The following LRIG2 variants were observed in gnomAD, a reference collection of about 807,000 sequenced individuals.
The protein encoded by LRIG2 is leucine rich repeats and immunoglobulin like domains 2.
LRIG2 carries 93 observed loss-of-function variants against 107.8 expected under a neutral mutation model. The observed-to-expected ratio is 0.86, with a 90% CI of 0.73 to 1.03. The LOEUF (loss-of-function observed/expected upper bound fraction) is 1.03. LRIG2 is among the 50% of genes least tolerant of loss of function. The pLI, the probability that LRIG2 is intolerant of heterozygous loss-of-function variation, is 0.00. For synonymous variants in LRIG2, 471 were observed against 470.6 expected, an observed-to-expected ratio of 1.00 and a Z score of -0.01; for missense variants, 1,226 against 1,296.0, an observed-to-expected ratio of 0.95 and a Z score of 0.83.
chr1:113,088,174 T>A (rs113237303), intron 1 of LRIG2, among the ~76,000 whole-genome samples: 413 of 152,210 alleles, frequency 2.7e-3, no homozygotes, highest in African/African-American at 9.5e-3. Context: ...TTTTAGAGGG[T>A]CCAGAGAGCC....
chr1:113,080,845 T>TG, intron 1 of LRIG2, among the ~76,000 whole-genome samples: 1 of 148,404 alleles, frequency 6.7e-6, no homozygotes, highest in African/African-American at 2.5e-5. Context: ...AGTTTTTTTT[T>TG]TTTTTTTTTT....
At chr1:113,110,669 T>C in intron 13 of LRIG2, 107 bp downstream of exon 13, 1 of 804,996 alleles carries the variant, frequency 1.2e-6, no homozygotes, top group Non-Finnish European at 1.9e-6. Context: ...AGTAGGACTC[T>C]TACTGTTATT....
chr1:113,119,333 G>T lies in LRIG2; in HGVS notation c.2781G>T (p.Glu927Asp). The T allele has an allele frequency of 6.2e-7, 1 of 1,613,982 alleles. No homozygotes were observed. Among genetic ancestry groups the T allele is most frequent in the Non-Finnish European group, 8.5e-7 (1 of 1,180,012 alleles). ...EYCPYTYIAE[E>D]DVLDQTLSSL... ...GTCCATACACCTATATTGCTGAGGAGGACGTTCTTGATCAGACACTGTCCA... is the reference window on the plus strand; with the variant it reads ...GTCCATACACCTATATTGCTGAGGATGACGTTCTTGATCAGACACTGTCCA... Residue 927 changes from glutamate (E) to aspartate (D), a missense_variant, in exon 17 of 18, where the codon GAG becomes GAT. Glu to Asp is a conservative substitution (Grantham distance 45, BLOSUM62 2). Around this residue, in one of 3 missense-constraint regions of LRIG2, gnomAD observed 642 missense variants for 712.2 expected, o/e 0.90. Transcript: ENST00000361127.
At position 113,124,085 on chromosome 1, in the gene LRIG2, G is replaced by A. The variant is rs982065389; in HGVS notation, c.3182G>A (p.Gly1061Asp). The part of the protein sequence containing the change: ...DFSRTRNIQD[G>D]SEGT ...AGTAGGACTCGGAACATTCAAGATG[G>A]TAGTGAGGGCACATGAAACTCACTT... Residue 1061 changes from glycine (G) to aspartate (D), a missense_variant, in exon 18 of 18, where the codon GGT (glycine) becomes GAT (aspartate). Transcript: ENST00000361127. 1.9e-6 allele frequency: 3 copies of A among 1,613,980 alleles called. No individual in the cohort carries two copies. Among genetic ancestry groups the A allele is most frequent in the Non-Finnish European group, 2.5e-6 (3 of 1,179,996 alleles).
intron 2 of LRIG2, among the ~76,000 whole-genome samples, chr1:113,091,845 T>TC (rs1653842724): frequency 6.6e-6 from 1 of 152,224 alleles, no homozygotes; most frequent in Admixed American, 6.5e-5. Context: ...CTAAAGTTTT[T>TC]CCTTTAATAC....
At chr1:113,077,141 A>C (rs956274491) in intron 1 of LRIG2, among the ~76,000 whole-genome samples, 11 of 151,876 alleles carry the variant, frequency 7.2e-5, no homozygotes, top group African/African-American at 2.4e-4. Flanking sequence ...TAGACTGTTA[A>C]ATTTTTTTTC....
intron 14 of LRIG2, among the ~76,000 whole-genome samples, chr1:113,113,604 C>T (rs1279838314): frequency 1.3e-5 from 2 of 149,932 alleles, no homozygotes; most frequent in Non-Finnish European, 3.0e-5. Flanking sequence ...ATTCTGTTGC[C>T]CAGGCTGGAA....
chr1:113,122,212 A>C (rs1655293393), intron 17 of LRIG2, among the ~76,000 whole-genome samples: 1 of 150,638 alleles, frequency 6.6e-6, no homozygotes, highest in Non-Finnish European at 1.5e-5. Context: ...CCTCCTGAGT[A>C]GCTGGGATTA....
At chr1:113,084,883 G>T (rs1653477474) in intron 1 of LRIG2, among the ~76,000 whole-genome samples, 1 of 152,088 alleles carries the variant, frequency 6.6e-6, no homozygotes, top group Non-Finnish European at 1.5e-5. Flanking sequence ...CTATGCTAGA[G>T]AAAATGACTC....
intron 1 of LRIG2, among the ~76,000 whole-genome samples, chr1:113,085,930 G>T (rs12069411): frequency 0.02 from 3,035 of 150,586 alleles, 116 homozygotes; most frequent in African/African-American, 0.07. Context: ...TTCAGTTTAC[G>T]CCAAGAATAT....
chr1:113,093,075 A>C (rs1355412926), intron 2 of LRIG2, 131 bp from the exon 3 acceptor site: 2 of 607,584 alleles, frequency 3.3e-6, no homozygotes, highest in South Asian at 2.1e-5. Flanking sequence ...ATTTTCGTCT[A>C]ACTCATTCTG....
In LRIG2 at chr1:113,125,697, T is replaced by C. The variant is rs1188675728; in HGVS notation, c.*1596T>C. The C allele has an allele frequency of 5.3e-5, 8 of 152,264 alleles. No individual in the cohort carries two copies. Among genetic ancestry groups the C allele is most frequent in the Admixed American group, 5.2e-4 (8 of 15,282 alleles). The allele number at this position is 152,264 out of a possible 1,614,324, so 9.4% of individuals were successfully genotyped here. A position where few individuals can be genotyped will look rare whatever the true frequency, so the allele number is the denominator to read the frequency against. On this transcript the variant is annotated 3_prime_UTR_variant, in exon 18 of 18. Transcript: ENST00000361127. ...CATCTCTTTCATTCTGTGACTTTGC[T>C]CTTGCCATGTTCTGACTGGGGTGAG...
At chr1:113,080,490 C>T (rs1343254419) in intron 1 of LRIG2, among the ~76,000 whole-genome samples, 1 of 152,066 alleles carries the variant, frequency 6.6e-6, no homozygotes, top group East Asian at 1.9e-4. Context: ...CGCCATTCTC[C>T]TGCCTCAGCC....
chr1:113,116,412 G>C lies in LRIG2; in HGVS notation c.2656G>C (p.Gly886Arg). ...TCAGCAACTTATGCCTCCTGCCAAT[G>C]GATATATACACAAAGGCACTGACGG... is the stretch of plus-strand genomic sequence containing the variant. Reference protein sequence around the residue: ...SHQQLMPPANGYIHKGTDGGT... With the variant: ...SHQQLMPPANRYIHKGTDGGT... The change falls in exon 16 of 18, where the codon GGA (glycine) becomes CGA (arginine). Residue 886 changes from glycine (G) to arginine (R), a missense_variant. By Grantham distance (125) the Gly-to-Arg change is moderately radical (BLOSUM62 -2). Around this residue, in one of 3 missense-constraint regions of LRIG2, gnomAD observed 642 missense variants for 712.2 expected, o/e 0.90. Coordinates refer to ENST00000361127, the MANE Select transcript of LRIG2 (RefSeq NM_014813.3). 6.2e-7 allele frequency: 1 copy of C among 1,607,350 alleles called. No individual in the cohort carries two copies.
chr1:113,110,867 A>G (rs140971700), intron 13 of LRIG2, among the ~76,000 whole-genome samples: 1,540 of 152,282 alleles, frequency 0.01, 7 homozygotes, highest in Non-Finnish European at 0.016. Flanking sequence ...TTCCAGAACC[A>G]TAAATCTCTC....
At chr1:113,115,951 T>C (rs1340316785) in intron 15 of LRIG2, among the ~76,000 whole-genome samples, 2 of 152,184 alleles carry the variant, frequency 1.3e-5, no homozygotes, top group East Asian at 3.8e-4. Flanking sequence ...TTTTTTCCCT[T>C]GAATATCAAA....
At chr1:113,091,205 T>G in intron 1 of LRIG2, 113 bp from the exon 2 acceptor site, 4 of 596,678 alleles carry the variant, frequency 6.7e-6, no homozygotes, top group Non-Finnish European at 1.1e-5. Context: ...ATTACAGGCA[T>G]GAGCCACTGT....
chr1:113,104,769 C>T, intron 11 of LRIG2, among the ~76,000 whole-genome samples: 1 of 152,142 alleles, frequency 6.6e-6, no homozygotes, highest in East Asian at 1.9e-4. Flanking sequence ...GACCTGGGCC[C>T]ATATCCTAAC....
intron 1 of LRIG2, among the ~76,000 whole-genome samples, chr1:113,075,645 G>T (rs557322436): frequency 3.3e-5 from 5 of 149,578 alleles, no homozygotes; most frequent in Admixed American, 6.7e-5. Context: ...GCACAGATTT[G>T]ACAAAACAGC....
Sources: gnomAD v4.1 joint callset for allele counts (sites outside exome capture counted in the v4.1 genomes callset) on GRCh38, gnomAD v4.1.1 for gene constraint, gnomAD v4.1.1 regional missense constraint, MANE v1.5 for transcripts, NCBI Gene and HGNC (gene_info 2026-07-23, HGNC 2026-07-21) for gene names.